The following RNF7 variants were observed in gnomAD, a reference collection of about 807,000 sequenced individuals.
RNF7 encodes RING-box protein 2.
A neutral mutation model predicts 17.0 loss-of-function variants in RNF7; 9 were observed. The ratio of observed to expected loss-of-function variants is 0.53; its 90% confidence interval spans 0.32 to 0.92. RNF7 has a LOEUF of 0.92. Ranked by LOEUF, RNF7 falls within the 40% of genes least tolerant of loss-of-function variation. The probability of loss-of-function intolerance (pLI) is 0.04; values close to 1 mark genes in which losing one functional copy is unlikely to be tolerated. For synonymous variants in RNF7, 59 were observed against 50.5 expected, an observed-to-expected ratio of 1.17 and a Z score of -0.72; for missense variants, 87 against 145.8, an observed-to-expected ratio of 0.60 and a Z score of 2.08.
intron 2 of RNF7, among the ~76,000 whole-genome samples, chr3:141,744,438 A>G (rs528464024): frequency 1.3e-4 from 20 of 152,236 alleles, no homozygotes; most frequent in African/African-American, 4.1e-4. Flanking sequence ...CAAGGGACAG[A>G]TGAATCCCAA....
intron 1 of RNF7, among the ~76,000 whole-genome samples, chr3:141,741,560 ATG>A (rs1203049961): frequency 6.6e-6 from 1 of 152,194 alleles, no homozygotes; most frequent in Non-Finnish European, 1.5e-5. Flanking sequence ...TCTCCTATTT[ATG>A]TTAAAAACTA....
chr3:141,747,415 C>T lies in RNF7; in HGVS notation c.*2138C>T, dbSNP rs1053014655. 1 of 152,004 alleles carries T rather than the reference C, an allele frequency of 6.6e-6. No individual in the cohort carries two copies. Among genetic ancestry groups the T allele is most frequent in the Non-Finnish European group, 1.5e-5 (1 of 68,016 alleles). 9.4% of individuals were successfully genotyped at this position (152,004 alleles called of 1,614,324 possible). ...AGTTATCTTTCGCTATTTAATTTTC[C>T]CTCTATGCAAATTGTGTTATTACAG... On this transcript the variant is annotated 3_prime_UTR_variant, in exon 3 of 3. Coordinates refer to ENST00000273480, the MANE Select transcript of RNF7 (RefSeq NM_014245.5).
intron 1 of RNF7, among the ~76,000 whole-genome samples, chr3:141,743,196 G>C (rs2084439007): frequency 6.6e-6 from 1 of 152,172 alleles, no homozygotes; most frequent in South Asian, 2.1e-4. Context: ...GTAAGCGTAT[G>C]GTAACTTTGA....
chr3:141,742,956 TTTAA>T (rs1271532278), intron 1 of RNF7: 13 of 977,002 alleles, frequency 1.3e-5, no homozygotes, highest in Non-Finnish European at 1.6e-5. Flanking sequence ...AATTTTTTAA[TTTAA>T]TTTTTTATAA....
At chr3:141,743,905 A>G (rs927684851) in intron 2 of RNF7, among the ~76,000 whole-genome samples, 2 of 152,232 alleles carry the variant, frequency 1.3e-5, no homozygotes, top group African/African-American at 4.8e-5. Flanking sequence ...TTTTGGTTCT[A>G]ATAAGGCATT....
Position 141,745,274 on chromosome 3 carries a change from A to G in RNF7, c.339A>G (p.Lys113=), listed in dbSNP as rs754972338. 5.0e-6 allele frequency: 8 copies of G among 1,606,492 alleles called. No individual in the cohort carries two copies. The highest frequency in any genetic ancestry group is 2.2e-5 in the South Asian group (2 of 90,884). Residue 113 remains lysine, a synonymous_variant, in exon 3 of 3, where the codon AAA becomes AAG. Coordinates refer to ENST00000273480, the MANE Select transcript of RNF7 (RefSeq NM_014245.5). Reference sequence around the variant, plus strand: ...ACTGGGTGGTCCAAAGAATCGGCAAATGAGAGTGGTTAGAAGGCTTCTTAG... The same window carrying G: ...ACTGGGTGGTCCAAAGAATCGGCAAGTGAGAGTGGTTAGAAGGCTTCTTAG... ...QQDWVVQRIG[K] is the part of the protein sequence containing the mutation.
intron 1 of RNF7, among the ~76,000 whole-genome samples, chr3:141,739,173 A>G (rs1428984823): frequency 6.6e-6 from 1 of 152,190 alleles, no homozygotes; most frequent in Non-Finnish European, 1.5e-5. Flanking sequence ...TGGTTCAAGA[A>G]TATCTAAGTT....
chr3:141,743,626 A>C (rs376688354), intron 2 of RNF7, 70 bp downstream of exon 2: 164 of 1,125,446 alleles, frequency 1.5e-4, no homozygotes, highest in Non-Finnish European at 1.9e-4. Context: ...TTTGAATTTG[A>C]AATTAAGATT....
At position 141,746,276 on chromosome 3, in the gene RNF7, C is replaced by T. The variant is rs2084472364; in HGVS notation, c.*999C>T. The T allele has an allele frequency of 1.3e-5, 2 of 152,166 alleles. No individual in the cohort carries two copies. Among genetic ancestry groups the T allele is most frequent in the East Asian group, 1.9e-4 (1 of 5,180 alleles). The allele number at this position is 152,166 out of a possible 1,614,324, so 9.4% of individuals were successfully genotyped here. On this transcript the variant is annotated 3_prime_UTR_variant, in exon 3 of 3. Coordinates refer to ENST00000273480, the MANE Select transcript of RNF7 (RefSeq NM_014245.5). The stretch of plus-strand genomic sequence containing the variant: ...ACAGGTGTGGGCCACTGCACCTGGC[C>T]CAGATGATATAATTTAACTGTGTTT...
chr3:141,743,527 A>G lies in RNF7; in HGVS notation c.194A>G (p.Gln65Arg). ...CTTTTAGATGCCTGTCTTAGATGTC[A>G]AGCTGAAAACAAACAAGAGGACTGT... ...VQVMDACLRCQAENKQEDCVV... is the reference protein window; with the variant it reads ...VQVMDACLRCRAENKQEDCVV... The change falls in exon 2 of 3, where the codon CAA becomes CGA. Residue 65 changes from glutamine to arginine, a missense_variant. Physicochemically the swap from Gln to Arg is conservative, Grantham distance 43. Around this residue, in one of 2 missense-constraint regions of RNF7, gnomAD observed 36 missense variants for 104.7 expected, o/e 0.34. Coordinates refer to ENST00000273480, the MANE Select transcript of RNF7 (RefSeq NM_014245.5). 1 of 1,611,042 alleles carries G rather than the reference A, an allele frequency of 6.2e-7. No homozygotes were observed. The highest frequency in any genetic ancestry group is 8.5e-7 in the Non-Finnish European group (1 of 1,179,048).
chr3:141,739,025 TCTC>T (rs760532122), intron 1 of RNF7, among the ~76,000 whole-genome samples: 2 of 152,178 alleles, frequency 1.3e-5, no homozygotes, highest in Non-Finnish European at 1.5e-5. Flanking sequence ...CACCCTTAGT[TCTC>T]CTCGAGGGAC....
At chr3:141,744,175 T>C (rs1007891874) in intron 2 of RNF7, among the ~76,000 whole-genome samples, 10 of 152,200 alleles carry the variant, frequency 6.6e-5, no homozygotes, top group Admixed American at 3.9e-4. Flanking sequence ...TTGTATTTTG[T>C]GTTTGCATGG....
At position 141,745,271 on chromosome 3, in the gene RNF7, C is replaced by T. The variant is rs1475691782; in HGVS notation, c.336C>T (p.Gly112=). 1.2e-6 allele frequency: 2 copies of T among 1,607,330 alleles called. No individual in the cohort carries two copies. The highest frequency in any genetic ancestry group is 1.7e-6 in the Non-Finnish European group (2 of 1,175,606). ...AGGACTGGGTGGTCCAAAGAATCGG[C>T]AAATGAGAGTGGTTAGAAGGCTTCT... ...CQQDWVVQRI[G]K is the part of the protein sequence containing the mutation. The change falls in exon 3 of 3, where the codon GGC becomes GGT. Residue 112 remains glycine, a synonymous_variant. Transcript: ENST00000273480.
At chr3:141,743,113 A>C in intron 1 of RNF7, 1 of 187,462 alleles carries the variant, frequency 5.3e-6, no homozygotes, top group Non-Finnish European at 1.1e-5. Context: ...ATGTATGTAT[A>C]AACAAATGCT....
chr3:141,742,011 G>A (rs1390102098), intron 1 of RNF7, among the ~76,000 whole-genome samples: 3 of 150,744 alleles, frequency 2.0e-5, no homozygotes, highest in Non-Finnish European at 4.4e-5. Flanking sequence ...AAAACTTTTA[G>A]GTTCAGGGCT....
chr3:141,743,041 CCCA>C, intron 1 of RNF7: 1 of 390,324 alleles, frequency 2.6e-6, no homozygotes, highest in Non-Finnish European at 3.6e-6. Context: ...AACTCTCCTT[CCCA>C]TTCCAAACCC....
chr3:141,741,967 A>G (rs919796914), intron 1 of RNF7, among the ~76,000 whole-genome samples: 5 of 152,054 alleles, frequency 3.3e-5, no homozygotes, highest in Non-Finnish European at 7.4e-5. Context: ...GCTCAGACTT[A>G]TCTGTATTTT....
At chr3:141,743,609 A>G (rs1033503407) in intron 2 of RNF7, 53 bp downstream of exon 2, 12 of 1,302,498 alleles carry the variant, frequency 9.2e-6, no homozygotes, top group African/African-American at 4.5e-5. Flanking sequence ...TTCTCTCAGT[A>G]GGGATGTTTG....
chr3:141,747,557 ATAATT>A (rs1313197149), exon 3 of RNF7: 2 of 152,208 alleles, frequency 1.3e-5, no homozygotes, highest in African/African-American at 4.8e-5. Flanking sequence ...TCCTACACAT[ATAATT>A]TAAATGTATG....
Sources: gnomAD v4.1 joint callset for allele counts (sites outside exome capture counted in the v4.1 genomes callset) on GRCh38, gnomAD v4.1.1 for gene constraint, gnomAD v4.1.1 regional missense constraint, MANE v1.5 for transcripts, NCBI Gene and HGNC (gene_info 2026-07-23, HGNC 2026-07-21) for gene names.